ARHGAP36: variants seen among roughly 807,000 people sequenced by gnomAD.
ARHGAP36 encodes Rho GTPase activating protein 36.
A neutral mutation model predicts 32.9 loss-of-function variants in ARHGAP36; 7 were observed. The ratio of observed to expected loss-of-function variants is 0.21; its 90% CI spans 0.12 to 0.40. ARHGAP36 has a LOEUF of 0.40. ARHGAP36 is among the 10% of genes least tolerant of loss of function. The pLI, the probability that ARHGAP36 is intolerant of heterozygous loss-of-function variation, is 1.00. For synonymous variants in ARHGAP36, 165 were observed against 168.3 expected (o/e 0.98, Z 0.15); for missense variants, 383 against 442.2 (o/e 0.87, Z 1.20).
At chrX:131,079,348 G>T (rs1438691799) in intron 1 of ARHGAP36, among the ~76,000 whole-genome samples, 1 of 111,514 alleles carries the variant, frequency 9.0e-6, no homozygotes, top group Admixed American at 9.5e-5. Context: ...GGGTCCAGGG[G>T]ATGGAGCTTT....
chrX:131,067,586 C>T (rs2079706462), intron 1 of ARHGAP36, among the ~76,000 whole-genome samples: 1 of 112,308 alleles, frequency 8.9e-6, no homozygotes, highest in South Asian at 3.7e-4. Context: ...CTCGTCCCCG[C>T]CCCCAACCAC....
intron 1 of ARHGAP36, chrX:131,078,816 T>C: frequency 8.2e-6 from 7 of 857,142 alleles, no homozygotes; most frequent in Non-Finnish European, 1.1e-5. Context: ...AGTTTAGCCC[T>C]GTGTGCTGGA....
chrX:131,063,549 T>G (rs1332564066), intron 1 of ARHGAP36, among the ~76,000 whole-genome samples: 1 of 111,203 alleles, frequency 9.0e-6, no homozygotes, highest in Non-Finnish European at 1.9e-5. Context: ...TTAGTGAAGG[T>G]AGCATGCAGG....
In ARHGAP36 at chrX:131,084,411, A is replaced by AG. The variant is rs774401636; in HGVS notation, c.748+7dup. ...TGCCAATTCATTGAAAAACATGGTA[A>AG]GGGAGCTGCAAATGGGTAAATCAAG... On this transcript the variant is annotated splice_donor_region_variant and intron_variant, in intron 5 of 11. Coordinates refer to ENST00000276211, the MANE Select transcript of ARHGAP36 (RefSeq NM_144967.4). The AG allele has an allele frequency of 1.7e-6, 2 of 1,201,060 alleles. No homozygotes were observed. The highest frequency in any genetic ancestry group is 3.6e-5 in the South Asian group (2 of 54,835).
chrX:131,081,401 C>G, intron 1 of ARHGAP36, 123 bp from the exon 2 acceptor site: 1 of 524,446 alleles, frequency 1.9e-6, no homozygotes, highest in East Asian at 5.4e-5. Context: ...AAATGTTTTT[C>G]TCTTTTATTT....
At chrX:131,079,981 A>T (rs1029714454) in intron 1 of ARHGAP36, among the ~76,000 whole-genome samples, 1 of 111,835 alleles carries the variant, frequency 8.9e-6, no homozygotes, top group Non-Finnish European at 1.9e-5. Context: ...CTCTTGGCTC[A>T]TCTACCTACT....
intron 1 of ARHGAP36, among the ~76,000 whole-genome samples, chrX:131,073,817 A>G (rs991212871): frequency 3.6e-5 from 4 of 111,208 alleles, no homozygotes; most frequent in Admixed American, 1.9e-4. Context: ...GAGTGGTCCA[A>G]TTTTGAATGG....
chrX:131,064,255 A>C (rs1256906218), intron 1 of ARHGAP36, among the ~76,000 whole-genome samples: 1 of 111,704 alleles, frequency 9.0e-6, no homozygotes, highest in Non-Finnish European at 1.9e-5. Context: ...TACATCTGAA[A>C]CCTTGGTCTC....
At chrX:131,058,519 C>A in intron 1 of ARHGAP36, 75 bp downstream of exon 1, 1 of 902,737 alleles carries the variant, frequency 1.1e-6, no homozygotes, top group Non-Finnish European at 1.4e-6. Flanking sequence ...CCCCTCTGGG[C>A]GCCCTGGGGC....
rs183691262 is a variant in ARHGAP36, at chrX:131,073,567, A to C, written c.-142-7957A>C. 5.0e-3 allele frequency among the ~76,000 whole-genome samples: 566 copies of C among 113,207 alleles called. 3 individuals are homozygous for C. Among genetic ancestry groups the C allele is most frequent in the African/African-American group, 0.018 (546 of 31,173 alleles). The stretch of plus-strand genomic sequence containing the variant: ...GGCTCTCTCTTCAACTGCGAATAGC[A>C]GCCGTGTGGCCCTGTGTCCCGGAGT... On this transcript the variant is annotated intron_variant, in intron 1 of 11. Transcript: ENST00000276211.
chrX:131,078,631 C>G (rs746385222), intron 1 of ARHGAP36: 76 of 617,578 alleles, frequency 1.2e-4, no homozygotes, highest in Non-Finnish European at 1.6e-4. Context: ...TCTCATAGTG[C>G]GAAAGCCTGC....
intron 1 of ARHGAP36, among the ~76,000 whole-genome samples, chrX:131,076,046 G>A (rs113633760): frequency 1.8e-5 from 2 of 111,746 alleles, no homozygotes; most frequent in African/African-American, 6.5e-5. Context: ...CATGAATCAC[G>A]AATAGCTGTT....
Position 131,089,562 on chromosome X carries a change from G to A in ARHGAP36, c.*777G>A, listed in dbSNP as rs959682654. On this transcript the variant is annotated 3_prime_UTR_variant, in exon 12 of 12. Coordinates refer to ENST00000276211, the MANE Select transcript of ARHGAP36 (RefSeq NM_144967.4). Reference sequence around the variant, plus strand: ...TCTTGTCAGCAAAACAGCTAGTTAGGTAAGGACATATAGTTCCAAGTAGGT... The same window carrying A: ...TCTTGTCAGCAAAACAGCTAGTTAGATAAGGACATATAGTTCCAAGTAGGT... 2 of 113,182 alleles carry A rather than the reference G, an allele frequency of 1.8e-5. No homozygotes were observed. Among genetic ancestry groups the A allele is most frequent in the African/African-American group, 6.4e-5 (2 of 31,082 alleles). 9.3% of individuals were successfully genotyped at this position (113,182 alleles called of 1,213,427 possible). A position where few individuals can be genotyped will look rare whatever the true frequency, so the allele number is the denominator to read the frequency against.
chrX:131,070,685 C>G (rs965398724), intron 1 of ARHGAP36, among the ~76,000 whole-genome samples: 2 of 111,409 alleles, frequency 1.8e-5, no homozygotes, highest in East Asian at 5.6e-4. Context: ...TATTGGAGCA[C>G]TAATTTTCCT....
intron 1 of ARHGAP36, among the ~76,000 whole-genome samples, chrX:131,079,380 A>G (rs910019408): frequency 9.0e-6 from 1 of 111,391 alleles, no homozygotes; most frequent in Non-Finnish European, 1.9e-5. Flanking sequence ...TTTAATATCT[A>G]TGCTAGGTGT....
chrX:131,072,319 G>A (rs2079737221), intron 1 of ARHGAP36, among the ~76,000 whole-genome samples: 1 of 111,938 alleles, frequency 8.9e-6, no homozygotes, highest in Non-Finnish European at 1.9e-5. Flanking sequence ...AAGACCAGAG[G>A]CCCTAGACAA....
intron 1 of ARHGAP36, among the ~76,000 whole-genome samples, chrX:131,059,910 C>A (rs776382428): frequency 7.2e-5 from 8 of 111,451 alleles, no homozygotes; most frequent in Non-Finnish European, 1.5e-4. Context: ...TTATGAGTAA[C>A]CACATAGGAG....
rs979057611 is a variant in ARHGAP36, at chrX:131,058,352, G to T, written c.-235G>T. The T allele has an allele frequency of 2.8e-5, 31 of 1,125,447 alleles. No individual in the cohort carries two copies. The highest frequency in any genetic ancestry group is 3.6e-5 in the Non-Finnish European group (31 of 852,492). The allele number at this position is 1,125,447 out of a possible 1,213,427, so 92.7% of individuals were successfully genotyped here. A position where few individuals can be genotyped will look rare whatever the true frequency, so the allele number is the denominator to read the frequency against. On this transcript the variant is annotated 5_prime_UTR_variant, in exon 1 of 12. Coordinates refer to ENST00000276211, the MANE Select transcript of ARHGAP36 (RefSeq NM_144967.4). ...CGCCGGTGCGGGGGACGACGCAAAGGTTAACTGCGAGCTGCCGGGCACTCA... is the reference window on the plus strand; with the variant it reads ...CGCCGGTGCGGGGGACGACGCAAAGTTTAACTGCGAGCTGCCGGGCACTCA...
At chrX:131,059,597 A>G (rs2079658043) in intron 1 of ARHGAP36, among the ~76,000 whole-genome samples, 1 of 111,639 alleles carries the variant, frequency 9.0e-6, no homozygotes, top group African/African-American at 3.3e-5. Flanking sequence ...CAGGAGTTTG[A>G]CCTCCTGCTG....
Sources: allele counts gnomAD v4.1 joint callset (sites outside exome capture counted in the v4.1 genomes callset), GRCh38; gene constraint gnomAD v4.1.1; transcripts MANE v1.5; gene names NCBI Gene and HGNC (gene_info 2026-07-23, HGNC 2026-07-21).